Variants in FER1L6 observed in about 807,000 individuals in gnomAD.
The protein encoded by FER1L6 is fer-1-like protein 6.
FER1L6 carries 177 observed loss-of-function variants against 219.2 expected under a neutral mutation model. The observed-to-expected ratio is 0.81, with a 90% confidence interval of 0.71 to 0.91. The LOEUF is 0.91. Among genes scored for constraint, FER1L6 ranks in the 40% least tolerant of loss-of-function variants. The pLI is 0.00. For missense variants in FER1L6, 2,153 were observed against 2,259.9 expected, an observed-to-expected ratio of 0.95 and a Z score of 0.96; for synonymous variants, 768 against 824.3, an observed-to-expected ratio of 0.93 and a Z score of 1.17.
At chr8:124,028,479 A>G (rs1415422448) in intron 18 of FER1L6, among the ~76,000 whole-genome samples, 1 of 144,094 alleles carries the variant, frequency 6.9e-6, no homozygotes, top group Non-Finnish European at 1.5e-5. Context: ...GACACTGAGT[A>G]TTCCCTCATC....
At chr8:124,071,387 A>T in intron 30 of FER1L6, 119 bp from the exon 31 acceptor site, 1 of 1,365,778 alleles carries the variant, frequency 7.3e-7, no homozygotes, top group Non-Finnish European at 1.0e-6. Flanking sequence ...CAAGTTTAGC[A>T]CCAAACCAGG....
At chr8:124,076,473 C>T (rs1240842818) in intron 32 of FER1L6, 148 bp downstream of exon 32, 5 of 753,120 alleles carry the variant, frequency 6.6e-6, no homozygotes, top group Middle Eastern at 2.6e-4. Flanking sequence ...TAATAACCAA[C>T]CAAACCTACG....
intron 1 of FER1L6, among the ~76,000 whole-genome samples, chr8:123,929,335 C>T (rs1448806755): frequency 1.3e-5 from 2 of 152,152 alleles, no homozygotes; most frequent in African/African-American, 4.8e-5. Flanking sequence ...GGAGAACAGC[C>T]TTTATAACTG....
intron 20 of FER1L6, among the ~76,000 whole-genome samples, chr8:124,043,010 T>TA (rs1819573160): frequency 1.3e-5 from 2 of 152,056 alleles, no homozygotes; most frequent in Non-Finnish European, 2.9e-5. Flanking sequence ...GAGGAAATCT[T>TA]AAGAGGGTGA....
At position 123,856,318 on chromosome 8, in the gene FER1L6, A is replaced by ATG. The variant is rs1484304999; in HGVS notation, c.-8+4134_-8+4135insGT. ...TATATATATATATATATGTATGTGT[A>ATG]TATATATATATATATATATATATAT... is the stretch of plus-strand genomic sequence containing the variant. On this transcript the variant is annotated intron_variant, in intron 1 of 40. Transcript: ENST00000522917. 7.2e-4 allele frequency among the ~76,000 whole-genome samples: 46 copies of ATG among 63,986 alleles called. 1 individual carries two copies. The highest frequency in any genetic ancestry group is 2.4e-3 in the African/African-American group (34 of 14,350). 42.0% of individuals were successfully genotyped at this position (63,986 alleles called of 152,430 possible).
chr8:123,890,788 T>C (rs1240875636), intron 1 of FER1L6, among the ~76,000 whole-genome samples: 1 of 147,958 alleles, frequency 6.8e-6, no homozygotes, highest in Non-Finnish European at 1.5e-5. Flanking sequence ...AAGTATCAAT[T>C]ATTAAGACTT....
rs752812992 is a variant in FER1L6 at position 124,010,554 on chromosome 8, C to G, written c.1701-40C>G. On this transcript the variant is annotated intron_variant, in intron 13 of 40. Coordinates refer to ENST00000522917, the MANE Select transcript of FER1L6 (RefSeq NM_001039112.2). Reference sequence around the variant, plus strand: ...TGTGACTGGGGTTGCCTGGAAAACACTGATTACCAGCTAACTTCCAGACCT... The same window carrying G: ...TGTGACTGGGGTTGCCTGGAAAACAGTGATTACCAGCTAACTTCCAGACCT... 5.0e-6 allele frequency: 8 copies of G among 1,608,258 alleles called. No individual in the cohort carries two copies. The South Asian group carries it at 7.8e-5, about 16-fold the overall frequency.
At chr8:123,992,844 G>A (rs1166101599) in intron 12 of FER1L6, among the ~76,000 whole-genome samples, 1 of 152,108 alleles carries the variant, frequency 6.6e-6, no homozygotes, top group Non-Finnish European at 1.5e-5. Flanking sequence ...TAGGCATTTA[G>A]TCCTTCCTCT....
chr8:123,980,305 A>C, intron 10 of FER1L6, among the ~76,000 whole-genome samples, 160 bp from the exon 11 acceptor site: 1 of 152,242 alleles, frequency 6.6e-6, no homozygotes, highest in African/African-American at 2.4e-5. Context: ...AAAGACTAGA[A>C]GGAAATATGG....
At chr8:123,967,477 C>A (rs970096488) in intron 5 of FER1L6, among the ~76,000 whole-genome samples, 1 of 152,104 alleles carries the variant, frequency 6.6e-6, no homozygotes, top group African/African-American at 2.4e-5. Context: ...ATGCTTTTAA[C>A]CTTTTGCTAC....
chr8:124,092,734 G>A (rs1333362598), intron 34 of FER1L6, among the ~76,000 whole-genome samples: 3 of 152,202 alleles, frequency 2.0e-5, no homozygotes, highest in Non-Finnish European at 4.4e-5. Context: ...GGTAGCATCC[G>A]CTTGGCTTCT....
chr8:123,993,837 G>T (rs1467428573), intron 12 of FER1L6, among the ~76,000 whole-genome samples: 1 of 152,204 alleles, frequency 6.6e-6, no homozygotes, highest in Non-Finnish European at 1.5e-5. Flanking sequence ...CCCAGCAGTG[G>T]CTACCAGTAC....
At chr8:124,049,075 ATC>A (rs1819871594) in intron 21 of FER1L6, among the ~76,000 whole-genome samples, 1 of 150,262 alleles carries the variant, frequency 6.7e-6, no homozygotes, top group East Asian at 1.9e-4. Context: ...TTTTTGAGAC[ATC>A]TCTCTCTGTC....
Position 124,070,617 on chromosome 8 carries a change from C to G in FER1L6, c.3966+19C>G, listed in dbSNP as rs28530761. On this transcript the variant is annotated intron_variant, in intron 30 of 40. Coordinates refer to ENST00000522917, the MANE Select transcript of FER1L6 (RefSeq NM_001039112.2). The stretch of plus-strand genomic sequence containing the variant: ...ATTTAAGGCAGGTTCCATTTTTAAT[C>G]CTTTTATTTGGCTCTCCCTGTCCAT... 15,200 of 1,556,306 alleles carry G rather than the reference C, an allele frequency of 9.8e-3. 105 individuals are homozygous for G. The highest frequency in any genetic ancestry group is 0.011 in the Non-Finnish European group (12,319 of 1,155,428).
At chr8:124,055,086 A>T (rs755546036) in intron 22 of FER1L6, among the ~76,000 whole-genome samples, 2 of 152,104 alleles carry the variant, frequency 1.3e-5, no homozygotes, top group Non-Finnish European at 2.9e-5. Context: ...TTGACATGTG[A>T]GGTTTATCTC....
chr8:123,969,842 A>C (rs1815713527), intron 5 of FER1L6, among the ~76,000 whole-genome samples, 193 bp from the exon 6 acceptor site: 1 of 150,234 alleles, frequency 6.7e-6, no homozygotes. Context: ...ACTCCAACCT[A>C]GCCGACAGAA....
intron 1 of FER1L6, among the ~76,000 whole-genome samples, chr8:123,921,368 T>C (rs911010053): frequency 1.3e-5 from 2 of 152,164 alleles, no homozygotes; most frequent in Non-Finnish European, 2.9e-5. Context: ...TGTATTTTTA[T>C]TTTTTAAGTT....
At chr8:124,067,679 T>C in intron 27 of FER1L6, 88 bp from the exon 28 acceptor site, 2 of 1,156,882 alleles carry the variant, frequency 1.7e-6, no homozygotes, top group South Asian at 2.6e-5. Context: ...ATAGTGTCTC[T>C]GGGAATGCAG....
rs1815685895 is a variant in FER1L6, at chr8:123,969,142, C to T, written c.385-893C>T. On this transcript the variant is annotated intron_variant, in intron 5 of 40. Transcript: ENST00000522917. ...GAGAACTAAGGTTTGGTCCCAGACC[C>T]AACAATAACTACCAATAGGAATCTG... Among the ~76,000 whole-genome samples, 3 of 152,134 alleles carry T rather than the reference C, an allele frequency of 2.0e-5. No homozygotes were observed. The South Asian group carries it at 6.2e-4, about 31-fold the overall frequency.
Sources: gnomAD v4.1 joint callset for allele counts (sites outside exome capture counted in the v4.1 genomes callset) on GRCh38, gnomAD v4.1.1 for gene constraint, MANE v1.5 for transcripts, NCBI Gene and HGNC (gene_info 2026-07-23, HGNC 2026-07-21) for gene names.